Variants in NYAP2 observed in about 807,000 individuals in gnomAD.
NYAP2 encodes neuronal tyrosine-phosphorylated phosphoinositide-3-kinase adaptor 2.
Under a neutral mutation model 50.4 loss-of-function variants are expected in NYAP2, and 23 were observed. That is an observed-to-expected ratio of 0.46 (90% CI 0.33 to 0.65). The LOEUF is 0.65. NYAP2 is among the 30% of genes least tolerant of loss of function. The pLI is 0.02. For missense variants in NYAP2, 885 were observed against 861.0 expected, an observed-to-expected ratio of 1.03 and a Z score of -0.35; for synonymous variants, 394 against 365.2, an observed-to-expected ratio of 1.08 and a Z score of -0.90.
At chr2:225,602,938 A>G (rs1310857609) in intron 5 of NYAP2, among the ~76,000 whole-genome samples, 2 of 152,120 alleles carry the variant, frequency 1.3e-5, no homozygotes, top group East Asian at 1.9e-4. Flanking sequence ...TTGAGGTCCT[A>G]TGAGATTCCA....
intron 3 of NYAP2, among the ~76,000 whole-genome samples, chr2:225,437,575 A>G (rs1384951889): frequency 6.6e-6 from 1 of 152,184 alleles, no homozygotes; most frequent in Non-Finnish European, 1.5e-5. Flanking sequence ...AATGCATGGT[A>G]GTATTTTGAA....
the NYAP2 span, among the ~76,000 whole-genome samples, chr2:225,682,123 C>T: frequency 5.9e-5 from 9 of 152,040 alleles, no homozygotes; most frequent in African/African-American, 2.2e-4. Context: ...CCTTCTGTAG[C>T]CAACTGAGAA....
chr2:225,505,522 G>T (rs1245722824), intron 3 of NYAP2, among the ~76,000 whole-genome samples: 1 of 152,126 alleles, frequency 6.6e-6, no homozygotes, highest in African/African-American at 2.4e-5. Flanking sequence ...AATATATAAA[G>T]CAGTTAATTA....
intron 4 of NYAP2, among the ~76,000 whole-genome samples, chr2:225,562,431 A>G (rs1337205157): frequency 6.6e-6 from 1 of 152,098 alleles, no homozygotes; most frequent in Non-Finnish European, 1.5e-5. Context: ...TTGCTGGGGT[A>G]TGCCCTTGAA....
chr2:225,592,773 T>C (rs1692531107), intron 5 of NYAP2, among the ~76,000 whole-genome samples: 2 of 152,198 alleles, frequency 1.3e-5, no homozygotes, highest in African/African-American at 4.8e-5. Context: ...CTGTCCTTGA[T>C]TGATGCAGGC....
upstream of NYAP2, among the ~76,000 whole-genome samples, chr2:225,399,246 T>A (rs879735751): frequency 2.6e-5 from 4 of 152,032 alleles, no homozygotes; most frequent in Non-Finnish European, 5.9e-5. Flanking sequence ...TTATTCCTTT[T>A]ATCATAGTGC....
chr2:225,537,762 A>G (rs903612845), intron 4 of NYAP2, among the ~76,000 whole-genome samples: 1 of 152,216 alleles, frequency 6.6e-6, no homozygotes, highest in African/African-American at 2.4e-5. Context: ...AACTCATTTC[A>G]GTGTTAACTC....
chr2:225,660,793 G>A, the NYAP2 span, among the ~76,000 whole-genome samples: 2 of 152,148 alleles, frequency 1.3e-5, no homozygotes, highest in Admixed American at 6.6e-5. Flanking sequence ...ATCTGCTGAT[G>A]ATTTTTGTTT....
intron 4 of NYAP2, among the ~76,000 whole-genome samples, chr2:225,536,632 C>CA (rs1462366982): frequency 1.3e-5 from 2 of 152,018 alleles, no homozygotes; most frequent in African/African-American, 4.8e-5. Flanking sequence ...CACGTCAGGG[C>CA]AAATGGGGTC....
intron 5 of NYAP2, among the ~76,000 whole-genome samples, chr2:225,595,203 G>A (rs1327506741): frequency 6.6e-6 from 1 of 152,122 alleles, no homozygotes; most frequent in Non-Finnish European, 1.5e-5. Flanking sequence ...AAAGAATAAG[G>A]ATGAAAAAAC....
intron 3 of NYAP2, among the ~76,000 whole-genome samples, chr2:225,508,351 A>G (rs939293972): frequency 6.6e-6 from 1 of 152,162 alleles, no homozygotes; most frequent in Non-Finnish European, 1.5e-5. Flanking sequence ...AAGCAGGAGA[A>G]TGACCTATTT....
intron 6 of NYAP2, among the ~76,000 whole-genome samples, chr2:225,630,647 G>A (rs1693290876): frequency 6.6e-6 from 1 of 152,224 alleles, no homozygotes; most frequent in Admixed American, 6.5e-5. Flanking sequence ...GAATGATGTT[G>A]CATAAGCAGT....
intron 6 of NYAP2, 46 bp downstream of exon 6, chr2:225,627,172 A>G: frequency 7.2e-7 from 1 of 1,387,220 alleles, no homozygotes; most frequent in Non-Finnish European, 1.0e-6. Context: ...TCCTGTCTCT[A>G]GAGACTACTT....
chr2:225,495,915 C>T (rs555741556), intron 3 of NYAP2, among the ~76,000 whole-genome samples: 1 of 152,118 alleles, frequency 6.6e-6, no homozygotes, highest in Non-Finnish European at 1.5e-5. Context: ...CAAATGATGA[C>T]AGCCCCACCT....
chr2:225,657,805 G>A (rs1693852167), downstream of NYAP2, among the ~76,000 whole-genome samples: 3 of 152,094 alleles, frequency 2.0e-5, no homozygotes, highest in Admixed American at 2.0e-4. Flanking sequence ...TGGATACATT[G>A]TCAAGTGTTT....
At chr2:225,595,925 CTT>C (rs1212902036) in intron 5 of NYAP2, among the ~76,000 whole-genome samples, 1 of 152,202 alleles carries the variant, frequency 6.6e-6, no homozygotes, top group Non-Finnish European at 1.5e-5. Flanking sequence ...TTACATGAGG[CTT>C]CCTAATTGGG....
rs1309000012 is a variant in NYAP2 at position 225,582,246 on chromosome 2, G to A, written c.829G>A (p.Asp277Asn). The change falls in exon 5 of 7, where the codon GAC (aspartate) becomes AAC (asparagine). Residue 277 changes from aspartate to asparagine, a missense_variant. Physicochemically the swap from Asp to Asn is conservative, Grantham distance 23 (BLOSUM62 1). Transcript: ENST00000636099. The surrounding 1 kb of genome is among the most constrained non-coding windows in gnomAD (Gnocchi z 7.0). Reference sequence around the variant, plus strand: ...CGAGGAAATGAAGTACCCTATCTTTGACGACTTGGGCCAAGACGCCAAATG... The same window carrying A: ...CGAGGAAATGAAGTACCCTATCTTTAACGACTTGGGCCAAGACGCCAAATG... 6.2e-7 allele frequency: 1 copy of A among 1,614,030 alleles called. No homozygotes were observed. Among genetic ancestry groups the A allele is most frequent in the South Asian group, 1.1e-5 (1 of 91,084 alleles).
chr2:225,408,793 T>G, intron 2 of NYAP2, 71 bp from the exon 3 acceptor site: 1 of 763,720 alleles, frequency 1.3e-6, no homozygotes, highest in Admixed American at 2.3e-5. Context: ...TTTGAGTTGT[T>G]AGGGATAATA....
chr2:225,466,842 C>T (rs1301091517), intron 3 of NYAP2, among the ~76,000 whole-genome samples: 2 of 152,114 alleles, frequency 1.3e-5, no homozygotes, highest in African/African-American at 2.4e-5. Flanking sequence ...CTTGCCTCCT[C>T]AGAAGAAAGA....
Sources: allele counts gnomAD v4.1 joint callset (sites outside exome capture counted in the v4.1 genomes callset), GRCh38; gene constraint gnomAD v4.1.1; non-coding constraint Gnocchi (gnomAD v3.1); transcripts MANE v1.5; gene names NCBI Gene and HGNC (gene_info 2026-07-23, HGNC 2026-07-21).